The following CFAP47 variants were observed in gnomAD, a reference collection of about 807,000 sequenced individuals.
CFAP47 encodes cilia and flagella associated protein 47.
A neutral mutation model predicts 148.1 loss-of-function variants in CFAP47; 29 were observed. The ratio of observed to expected loss-of-function variants is 0.20; its 90% CI spans 0.15 to 0.27. CFAP47 has a LOEUF of 0.27. Ranked by LOEUF, CFAP47 falls within the 10% of genes least tolerant of loss-of-function variation. The pLI is 1.00. For missense variants in CFAP47, 1,872 were observed against 1,697.5 expected, an observed-to-expected ratio of 1.10 and a Z score of -1.81; for synonymous variants, 664 against 577.3, an observed-to-expected ratio of 1.15 and a Z score of -2.15.
chrX:36,080,275 G>A (rs1412590738), intron 29 of CFAP47, among the ~76,000 whole-genome samples: 1 of 111,260 alleles, frequency 9.0e-6, no homozygotes, highest in Non-Finnish European at 1.9e-5. Flanking sequence ...AAAAAGTCAG[G>A]AAACGAGGTA....
At chrX:36,190,812 G>C (rs1939857751) in intron 42 of CFAP47, among the ~76,000 whole-genome samples, 1 of 111,195 alleles carries the variant, frequency 9.0e-6, no homozygotes, top group Admixed American at 9.6e-5. Flanking sequence ...GAAAGAGAGA[G>C]AGAGTTAGAG....
intron 22 of CFAP47, among the ~76,000 whole-genome samples, chrX:36,015,889 T>C (rs1485356882): frequency 8.9e-6 from 1 of 111,951 alleles, no homozygotes; most frequent in African/African-American, 3.2e-5. Flanking sequence ...GTTCTTAATA[T>C]TTTGATATCT....
chrX:36,138,379 G>T lies in CFAP47; in HGVS notation c.5450G>T (p.Arg1817Leu). ...IESHFINMYT[R>L]PKSPEEYLHN... is the part of the protein sequence containing the mutation. ...TCTCATTTTATAAATATGTACACAC[G>T]ACCAAAAAGTCCTGAAGAGTATCTG... The change falls in exon 35 of 64, where the codon CGA becomes CTA. Residue 1817 changes from arginine (R) to leucine (L), a missense_variant. Physicochemically the swap from Arg to Leu is moderately radical, Grantham distance 102 (BLOSUM62 -2). Coordinates refer to ENST00000378653, the MANE Select transcript of CFAP47 (RefSeq NM_001304548.2). 8.7e-7 allele frequency: 1 copy of T among 1,147,293 alleles called. No individual in the cohort carries two copies. The highest frequency in any genetic ancestry group is 1.2e-6 in the Non-Finnish European group (1 of 868,287). 94.5% of individuals were successfully genotyped at this position (1,147,293 alleles called of 1,213,427 possible). A position where few individuals can be genotyped will look rare whatever the true frequency, so the allele number is the denominator to read the frequency against.
At chrX:36,237,083 A>C (rs1436833040) in intron 48 of CFAP47, among the ~76,000 whole-genome samples, 3 of 111,992 alleles carry the variant, frequency 2.7e-5, no homozygotes, top group African/African-American at 9.7e-5. Context: ...TATGTATATA[A>C]CTATAAAGCA....
At chrX:36,233,574 CCAGT>C (rs1467110975) in intron 46 of CFAP47, among the ~76,000 whole-genome samples, 4 of 111,570 alleles carry the variant, frequency 3.6e-5, no homozygotes, top group Non-Finnish European at 7.5e-5. Context: ...ATCCAATTTG[CCAGT>C]CAGTGTGTTT....
chrX:36,188,429 T>C (rs1263023323), intron 40 of CFAP47, among the ~76,000 whole-genome samples, 191 bp from the exon 41 acceptor site: 12 of 111,954 alleles, frequency 1.1e-4, no homozygotes, highest in Non-Finnish European at 1.5e-4. Context: ...GTTTTCTTTT[T>C]GTATTTTTAT....
intron 63 of CFAP47, among the ~76,000 whole-genome samples, chrX:36,381,541 G>C (rs967230233): frequency 9.0e-6 from 1 of 111,387 alleles, no homozygotes; most frequent in Non-Finnish European, 1.9e-5. Flanking sequence ...TTGTTCACAA[G>C]TTTCATAATT....
chrX:36,239,630 G>T lies in CFAP47; in HGVS notation c.7332+2771G>T, dbSNP rs1406211610. 2.7e-5 allele frequency among the ~76,000 whole-genome samples: 3 copies of T among 112,121 alleles called. No individual in the cohort carries two copies. In the Admixed American group the frequency reaches 2.8e-4, roughly 11 times the overall value. On this transcript the variant is annotated intron_variant, in intron 48 of 63. Coordinates refer to ENST00000378653, the MANE Select transcript of CFAP47 (RefSeq NM_001304548.2). ...TTGTCAAAAATATTTAGCAGCAATG[G>T]TTTAACATTGCAGTTGTCTGAGGCT...
chrX:36,093,399 C>G (rs1287937867), intron 30 of CFAP47, among the ~76,000 whole-genome samples: 1 of 111,308 alleles, frequency 9.0e-6, no homozygotes, highest in Non-Finnish European at 1.9e-5. Flanking sequence ...TCCCTTTTCT[C>G]TATATTCTCA....
chrX:36,154,235 T>C (rs73472843), intron 37 of CFAP47, among the ~76,000 whole-genome samples: 4,945 of 112,228 alleles, frequency 0.044, 280 homozygotes, highest in African/African-American at 0.15. Context: ...ATGCATTCAA[T>C]AGAAGCCAAT....
intron 23 of CFAP47, among the ~76,000 whole-genome samples, chrX:36,032,585 A>T (rs1056237773): frequency 9.9e-5 from 11 of 111,377 alleles, no homozygotes; most frequent in South Asian, 3.7e-4. Context: ...TTAAAATTTT[A>T]AAAAATATGA....
chrX:36,009,338 G>A (rs1371445760), intron 21 of CFAP47, among the ~76,000 whole-genome samples: 2 of 111,274 alleles, frequency 1.8e-5, no homozygotes, highest in African/African-American at 6.5e-5. Flanking sequence ...AAAAGCAGAT[G>A]AACCAGAAGT....
chrX:36,143,276 T>C lies in CFAP47; in HGVS notation c.5536-1943T>C, dbSNP rs747665371. On this transcript the variant is annotated intron_variant, in intron 35 of 63. Coordinates refer to ENST00000378653, the MANE Select transcript of CFAP47 (RefSeq NM_001304548.2). ...ATTAACAAAACAAGAAAGAACAAAC[T>C]CTTCTATTTTCCCGAGAAGAATAAG... is the stretch of plus-strand genomic sequence containing the variant. Among the ~76,000 whole-genome samples the C allele has an allele frequency of 2.7e-3, 300 of 111,760 alleles. 2 individuals are homozygous for C. The highest frequency in any genetic ancestry group is 4.8e-3 in the Non-Finnish European group (257 of 53,168).
In CFAP47 at chrX:35,976,049, G is replaced by C. The variant is rs192298658; in HGVS notation, c.2713+136G>C. 4 of 610,746 alleles carry C rather than the reference G, an allele frequency of 6.5e-6. No individual in the cohort carries two copies. The East Asian group carries it at 1.1e-4, about 16-fold the overall frequency. 50.3% of individuals were successfully genotyped at this position (610,746 alleles called of 1,213,427 possible). A position where few individuals can be genotyped will look rare whatever the true frequency, so the allele number is the denominator to read the frequency against. On this transcript the variant is annotated intron_variant, in intron 15 of 63. Transcript: ENST00000378653. ...AAGTAAATCAGATACTGTCATCAGG[G>C]GTATTTATTTTTACAGATATAATAT...
At chrX:36,099,505 C>T (rs1484176352) in intron 31 of CFAP47, among the ~76,000 whole-genome samples, 3 of 105,934 alleles carry the variant, frequency 2.8e-5, no homozygotes, top group Non-Finnish European at 5.8e-5. Context: ...AACTTCGTAT[C>T]GTGTTCGGCC....
Position 36,167,763 on chromosome X carries a change from G to A in CFAP47, c.6026+6994G>A, listed in dbSNP as rs191435651. 1.6e-4 allele frequency among the ~76,000 whole-genome samples: 18 copies of A among 111,676 alleles called. No homozygotes were observed. The East Asian group carries it at 5.1e-3, about 32-fold the overall frequency. On this transcript the variant is annotated intron_variant, in intron 39 of 63. Transcript: ENST00000378653. ...TTTTTGTTGAGCTTGAAAGGAAGAA[G>A]GAGATAGAGTTCTTGGTTCAAATAT...
intron 25 of CFAP47, among the ~76,000 whole-genome samples, chrX:36,040,779 C>T (rs1231177647): frequency 9.0e-6 from 1 of 111,280 alleles, no homozygotes; most frequent in Non-Finnish European, 1.9e-5. Flanking sequence ...CACTGAGGAT[C>T]AGGAGTGTAT....
At chrX:36,016,819 C>G (rs746193300) in intron 22 of CFAP47, among the ~76,000 whole-genome samples, 2 of 104,976 alleles carry the variant, frequency 1.9e-5, no homozygotes, top group Non-Finnish European at 3.9e-5. Context: ...TTCTCCGTAT[C>G]CTCACCAGCA....
At chrX:35,924,385 A>G (rs1935686675) in intron 1 of CFAP47, among the ~76,000 whole-genome samples, 3 of 104,864 alleles carry the variant, frequency 2.9e-5, no homozygotes, top group South Asian at 8.1e-4. Context: ...ATATGCACAC[A>G]TATGTGTATA....
Sources: allele counts gnomAD v4.1 joint callset (sites outside exome capture counted in the v4.1 genomes callset), GRCh38; gene constraint gnomAD v4.1.1; transcripts MANE v1.5; gene names NCBI Gene and HGNC (gene_info 2026-07-23, HGNC 2026-07-21).